The following HS6ST3 variants were observed in gnomAD, a reference collection of about 807,000 sequenced individuals.
The protein encoded by HS6ST3 is heparan sulfate 6-O-sulfotransferase 3, also known as heparan-sulfate 6-O-sulfotransferase 3.
In HS6ST3, 12 loss-of-function variants were observed where a neutral mutation model predicts 36.7. That is an observed-to-expected ratio of 0.33 (90% CI 0.21 to 0.53). The LOEUF is 0.53. HS6ST3 is among the 20% of genes least tolerant of loss of function. The probability of loss-of-function intolerance (pLI) is 0.95; values close to 1 mark genes in which losing one functional copy is unlikely to be tolerated. For missense variants in HS6ST3, 584 were observed against 640.9 expected (o/e 0.91, Z 0.96); for synonymous variants, 240 against 257.5 (o/e 0.93, Z 0.65).
At chr13:96,453,525 AC>A (rs548132981) in intron 1 of HS6ST3, among the ~76,000 whole-genome samples, 66 of 152,350 alleles carry the variant, frequency 4.3e-4, no homozygotes, top group African/African-American at 1.5e-3. Context: ...ACCGTGGAGA[AC>A]CATCTCTCAA....
intron 1 of HS6ST3, among the ~76,000 whole-genome samples, chr13:96,386,740 C>A (rs1341684293): frequency 6.6e-6 from 1 of 151,990 alleles, no homozygotes; most frequent in African/African-American, 2.4e-5. Flanking sequence ...GTGGGGCATG[C>A]CTGTAATCCC....
chr13:96,200,408 C>G (rs982161015), intron 1 of HS6ST3, among the ~76,000 whole-genome samples: 3 of 152,158 alleles, frequency 2.0e-5, no homozygotes, highest in Admixed American at 1.3e-4. Context: ...ACTGGCAGTT[C>G]CCTCTGCCTG....
chr13:96,430,978 G>C (rs985408930), intron 1 of HS6ST3, among the ~76,000 whole-genome samples: 2 of 152,138 alleles, frequency 1.3e-5, no homozygotes, highest in Non-Finnish European at 2.9e-5. Context: ...TGGGGCCAAG[G>C]TGCGGGATTC....
At chr13:96,435,948 C>A (rs1212680100) in intron 1 of HS6ST3, among the ~76,000 whole-genome samples, 1 of 152,190 alleles carries the variant, frequency 6.6e-6, no homozygotes. Flanking sequence ...TCCCAAGTGC[C>A]ATGTCACGTA....
intron 1 of HS6ST3, among the ~76,000 whole-genome samples, chr13:96,258,180 A>G (rs185374990): frequency 2.6e-5 from 4 of 152,278 alleles, no homozygotes; most frequent in East Asian, 1.9e-4. Flanking sequence ...TAGTATGTCT[A>G]TTGTTGAGTC....
rs923733907 is a variant in HS6ST3 at position 96,837,285 on chromosome 13, A to G, written c.*4087A>G. 5 of 152,192 alleles carry G rather than the reference A, an allele frequency of 3.3e-5. No individual in the cohort carries two copies. The South Asian group carries it at 1.0e-3, about 31-fold the overall frequency. 9.4% of individuals were successfully genotyped at this position (152,192 alleles called of 1,614,324 possible). A position where few individuals can be genotyped will look rare whatever the true frequency, so the allele number is the denominator to read the frequency against. On this transcript the variant is annotated 3_prime_UTR_variant, in exon 2 of 2. Coordinates refer to ENST00000376705, the MANE Select transcript of HS6ST3 (RefSeq NM_153456.4). The stretch of plus-strand genomic sequence containing the variant: ...ACTAAAATTCATCACTTTGTGTAGC[A>G]TTTAATGGTTTTCAGAACATTTTTG...
At chr13:96,107,780 A>G (rs2053848482) in intron 1 of HS6ST3, among the ~76,000 whole-genome samples, 1 of 152,188 alleles carries the variant, frequency 6.6e-6, no homozygotes, top group Non-Finnish European at 1.5e-5. Flanking sequence ...CGGTTTCTGA[A>G]CATAAATTAT....
chr13:96,415,944 G>A (rs894931479), intron 1 of HS6ST3, among the ~76,000 whole-genome samples: 5 of 152,154 alleles, frequency 3.3e-5, no homozygotes, highest in Non-Finnish European at 5.9e-5. Flanking sequence ...TTAAAACTGA[G>A]AATAATTTTC....
At position 96,466,035 on chromosome 13, in the gene HS6ST3, C is replaced by T. The variant is rs555794542; in HGVS notation, c.708-366455C>T. ...CGGTGGCTCACGCCTGAAATCCCAG[C>T]GCTTTAGGAGGCTGAGGCGGGCAGA... On this transcript the variant is annotated intron_variant, in intron 1 of 1. Transcript: ENST00000376705. 1.3e-4 allele frequency among the ~76,000 whole-genome samples: 20 copies of T among 152,106 alleles called. No individual in the cohort carries two copies. In the South Asian group the frequency reaches 2.1e-3, roughly 16 times the overall value.
intron 1 of HS6ST3, among the ~76,000 whole-genome samples, chr13:96,106,500 G>T (rs1329990799): frequency 6.6e-6 from 1 of 152,170 alleles, no homozygotes; most frequent in Non-Finnish European, 1.5e-5. Flanking sequence ...GCCCCAGTCA[G>T]CTCTTTACAG....
At chr13:96,618,553 A>T (rs1251264230) in intron 1 of HS6ST3, among the ~76,000 whole-genome samples, 1 of 152,176 alleles carries the variant, frequency 6.6e-6, no homozygotes, top group African/African-American at 2.4e-5. Flanking sequence ...CTTCTAAATA[A>T]TAATATGCTT....
chr13:96,625,070 G>A (rs1051952929), intron 1 of HS6ST3, among the ~76,000 whole-genome samples: 52 of 152,222 alleles, frequency 3.4e-4, no homozygotes, highest in African/African-American at 1.2e-3. Context: ...CCCATAGGCA[G>A]TGCACAGGGA....
chr13:96,171,085 A>G lies in HS6ST3; in HGVS notation c.707+79516A>G, dbSNP rs149852366. ...CTTTTTATGAAGAAATGTTGAAGCT[A>G]TATTTTTGGTGAAGACCACAAAATC... On this transcript the variant is annotated intron_variant, in intron 1 of 1. Coordinates refer to ENST00000376705, the MANE Select transcript of HS6ST3 (RefSeq NM_153456.4). Among the ~76,000 whole-genome samples, 1,373 of 152,348 alleles carry G rather than the reference A, an allele frequency of 9.0e-3. 23 individuals carry two copies. The highest frequency in any genetic ancestry group is 0.032 in the African/African-American group (1,318 of 41,568).
At chr13:96,206,093 C>T (rs2139354372) in intron 1 of HS6ST3, among the ~76,000 whole-genome samples, 1 of 152,252 alleles carries the variant, frequency 6.6e-6, no homozygotes, top group East Asian at 1.9e-4. Context: ...GCTTCTTAAG[C>T]TGATAAGCAA....
At chr13:96,150,769 A>T (rs1380646743) in intron 1 of HS6ST3, among the ~76,000 whole-genome samples, 1 of 152,150 alleles carries the variant, frequency 6.6e-6, no homozygotes, top group African/African-American at 2.4e-5. Flanking sequence ...GATGTCCATG[A>T]AGGACCCTCT....
intron 1 of HS6ST3, among the ~76,000 whole-genome samples, chr13:96,304,711 CTTT>C (rs61314597): frequency 1.1e-5 from 1 of 89,338 alleles, no homozygotes; most frequent in African/African-American, 4.4e-5. Flanking sequence ...TTCTTTCTTT[CTTT>C]TTTTTTTTTT....
At position 96,091,040 on chromosome 13, in the gene HS6ST3, G is replaced by A; in HGVS notation, c.178G>A (p.Ala60Thr). 8.0e-7 allele frequency: 1 copy of A among 1,250,262 alleles called. No homozygotes were observed. Among genetic ancestry groups the A allele is most frequent in the Non-Finnish European group, 1.0e-6 (1 of 997,828 alleles). 77.4% of individuals were successfully genotyped at this position (1,250,262 alleles called of 1,614,324 possible). ...AVPGPARRAQ[A>T]PPEEWERRPQ... is the part of the protein sequence containing the mutation. The stretch of plus-strand genomic sequence containing the variant: ...CCCGGGTCCCGCCCGCCGGGCTCAG[G>A]CGCCGCCGGAGGAGTGGGAGCGGCG... The change falls in exon 1 of 2, where the codon GCG (alanine) becomes ACG (threonine). Residue 60 changes from alanine (A) to threonine (T), a missense_variant. By Grantham distance (58) the Ala-to-Thr change is moderately conservative. Around this residue, in one of 3 missense-constraint regions of HS6ST3, gnomAD observed 217 missense variants for 205.4 expected, o/e 1.06. Transcript: ENST00000376705.
intron 1 of HS6ST3, among the ~76,000 whole-genome samples, chr13:96,446,673 C>T (rs2055700821): frequency 6.6e-6 from 1 of 152,084 alleles, no homozygotes; most frequent in African/African-American, 2.4e-5. Context: ...GTTGATGGGT[C>T]CAGGAGAGCA....
At chr13:96,215,640 T>G (rs902438868) in intron 1 of HS6ST3, among the ~76,000 whole-genome samples, 1 of 152,202 alleles carries the variant, frequency 6.6e-6, no homozygotes. Flanking sequence ...AAAAGCTTTT[T>G]TTCTGTTGAA....
Sources: allele counts gnomAD v4.1 joint callset (sites outside exome capture counted in the v4.1 genomes callset), GRCh38; gene constraint gnomAD v4.1.1; regional missense constraint gnomAD v4.1.1; transcripts MANE v1.5; gene names NCBI Gene and HGNC (gene_info 2026-07-23, HGNC 2026-07-21).